The following RBFOX1 variants were observed in gnomAD, a reference collection of about 807,000 sequenced individuals.
The protein encoded by RBFOX1 is RNA binding protein fox-1 homolog 1.
A neutral mutation model predicts 57.7 loss-of-function variants in RBFOX1; 8 were observed. That is an observed-to-expected ratio of 0.14 (90% CI 0.08 to 0.25). The LOEUF is 0.25. Among genes scored for constraint, RBFOX1 ranks in the 10% least tolerant of loss-of-function variants. The probability of loss-of-function intolerance (pLI) is 1.00; values close to 1 mark genes in which losing one functional copy is unlikely to be tolerated. For synonymous variants in RBFOX1, 326 were observed against 222.4 expected (o/e 1.47, Z -4.15); for missense variants, 611 against 548.5 (o/e 1.11, Z -1.14).
At chr16:6,670,258 G>A (rs565587721) in intron 3 of RBFOX1, among the ~76,000 whole-genome samples, 4 of 151,908 alleles carry the variant, frequency 2.6e-5, no homozygotes, top group Admixed American at 6.6e-5. Context: ...TTGTAGAGAC[G>A]GGGTTTTCCC....
At chr16:6,647,242 CTTTAT>C (rs938722615) in intron 2 of RBFOX1, among the ~76,000 whole-genome samples, 3 of 152,120 alleles carry the variant, frequency 2.0e-5, no homozygotes, top group South Asian at 2.1e-4. Flanking sequence ...CTAATTCTTT[CTTTAT>C]TTTATTTTAT....
intron 6 of RBFOX1, among the ~76,000 whole-genome samples, chr16:7,583,177 T>C (rs1397395600): frequency 1.3e-5 from 2 of 149,994 alleles, no homozygotes; most frequent in Admixed American, 1.3e-4. Flanking sequence ...TCATTTGAGA[T>C]GGAACATTCC....
chr16:6,224,736 C>A, intron 1 of RBFOX1, among the ~76,000 whole-genome samples: 1 of 152,084 alleles, frequency 6.6e-6, no homozygotes, highest in Non-Finnish European at 1.5e-5. Context: ...GAATCACTTA[C>A]TTGGCCAGGT....
chr16:5,640,833 G>GCACACA (rs142919715), intron 3 of RBFOX1, among the ~76,000 whole-genome samples: 9 of 142,762 alleles, frequency 6.3e-5, no homozygotes, highest in African/African-American at 2.4e-4. Context: ...ACACATACAT[G>GCACACA]CACACACACA....
At chr16:7,188,450 C>T (rs1173310563) in intron 4 of RBFOX1, among the ~76,000 whole-genome samples, 3 of 152,148 alleles carry the variant, frequency 2.0e-5, no homozygotes, top group Admixed American at 6.5e-5. Context: ...AAGCTTTTAG[C>T]TGCATGTTAC....
intron 2 of RBFOX1, among the ~76,000 whole-genome samples, chr16:6,522,955 C>T (rs1471356735): frequency 1.3e-5 from 2 of 152,122 alleles, no homozygotes; most frequent in Non-Finnish European, 2.9e-5. Context: ...GGATGTTGTC[C>T]AGGTTCTTTA....
intron 3 of RBFOX1, among the ~76,000 whole-genome samples, chr16:6,960,525 C>G (rs905548109): frequency 6.6e-6 from 1 of 152,102 alleles, no homozygotes; most frequent in African/African-American, 2.4e-5. Context: ...GGTCTGGGAA[C>G]AACTCTTCAG....
chr16:7,433,704 G>A (rs1474951794), intron 4 of RBFOX1, among the ~76,000 whole-genome samples: 1 of 152,114 alleles, frequency 6.6e-6, no homozygotes, highest in Non-Finnish European at 1.5e-5. Flanking sequence ...CCATCCTTCT[G>A]TCCATCCATC....
At chr16:5,612,912 G>A (rs2047875880) in intron 3 of RBFOX1, among the ~76,000 whole-genome samples, 1 of 152,198 alleles carries the variant, frequency 6.6e-6, no homozygotes, top group African/African-American at 2.4e-5. Flanking sequence ...CTAGGCTCAT[G>A]TCCCACAAAA....
intron 4 of RBFOX1, among the ~76,000 whole-genome samples, chr16:7,226,152 A>G (rs1441013572): frequency 1.3e-5 from 2 of 152,102 alleles, no homozygotes; most frequent in African/African-American, 2.4e-5. Context: ...CCTCCTTTAC[A>G]ATCATGAAAG....
intron 4 of RBFOX1, among the ~76,000 whole-genome samples, chr16:7,381,978 C>G (rs1339512713): frequency 6.6e-6 from 1 of 152,276 alleles, no homozygotes; most frequent in East Asian, 1.9e-4. Context: ...AATGTTTCTC[C>G]CTTTGAGAAT....
At chr16:6,255,792 C>G (rs998076123) in intron 1 of RBFOX1, among the ~76,000 whole-genome samples, 1 of 151,914 alleles carries the variant, frequency 6.6e-6, no homozygotes, top group East Asian at 1.9e-4. Flanking sequence ...AACACAGGAA[C>G]AAAAAACGAA....
chr16:5,304,463 T>C (rs974803761), intron 1 of RBFOX1, among the ~76,000 whole-genome samples: 1 of 152,172 alleles, frequency 6.6e-6, no homozygotes. Context: ...CCTGTGCACT[T>C]TAGGGGAGTT....
At chr16:7,239,250 G>A (rs557392861) in intron 4 of RBFOX1, among the ~76,000 whole-genome samples, 4 of 152,154 alleles carry the variant, frequency 2.6e-5, no homozygotes, top group African/African-American at 7.2e-5. Flanking sequence ...AGTAATCCCA[G>A]CAATTTAGGA....
At chr16:6,203,918 A>G (rs1016739773) in intron 1 of RBFOX1, among the ~76,000 whole-genome samples, 19 of 152,016 alleles carry the variant, frequency 1.2e-4, no homozygotes, top group African/African-American at 4.6e-4. Context: ...CTGCATACAC[A>G]AACACAGAGA....
At chr16:5,695,393 C>G (rs73516386) in intron 3 of RBFOX1, among the ~76,000 whole-genome samples, 1 of 152,014 alleles carries the variant, frequency 6.6e-6, no homozygotes, top group Non-Finnish European at 1.5e-5. Context: ...GATGGTAAAT[C>G]GCTTAGAAAT....
intron 4 of RBFOX1, among the ~76,000 whole-genome samples, chr16:5,895,168 C>T (rs895335779): frequency 2.6e-5 from 4 of 152,218 alleles, no homozygotes; most frequent in Admixed American, 1.3e-4. Context: ...TCCATATCAA[C>T]ATTTCATGCC....
chr16:5,793,786 C>G (rs541084626), intron 3 of RBFOX1, among the ~76,000 whole-genome samples: 106 of 150,306 alleles, frequency 7.1e-4, no homozygotes, highest in African/African-American at 2.5e-3. Flanking sequence ...TGTGCATGTG[C>G]ATGTGTGTGT....
Position 6,808,710 on chromosome 16 carries a change from G to GC in RBFOX1, c.-16+154065dup, listed in dbSNP as rs149770177. Among the ~76,000 whole-genome samples the GC allele has an allele frequency of 3.7e-4, 56 of 152,148 alleles. No homozygotes were observed. The East Asian group carries it at 9.5e-3, about 26-fold the overall frequency. On this transcript the variant is annotated intron_variant, in intron 3 of 15. Transcript: ENST00000550418. ...AAGAGTAATGCTTCCTCCAACCTCT[G>GC]CCCCCAGGTAATACTGTTCTTTTCT...
Sources: gnomAD v4.1 joint callset for allele counts (sites outside exome capture counted in the v4.1 genomes callset) on GRCh38, gnomAD v4.1.1 for gene constraint, MANE v1.5 for transcripts, NCBI Gene and HGNC (gene_info 2026-07-23, HGNC 2026-07-21) for gene names.